The following ERBB4 variants were observed in gnomAD, a reference collection of about 807,000 sequenced individuals.
ERBB4 encodes the protein receptor tyrosine-protein kinase erbB-4.
ERBB4 carries 42 observed loss-of-function variants against 158.0 expected under a neutral mutation model. The observed-to-expected ratio is 0.27, with a 90% CI of 0.21 to 0.34. ERBB4 has a LOEUF of 0.34. Ranked by LOEUF, ERBB4 falls within the 10% of genes least tolerant of loss-of-function variation. ERBB4 has a pLI of 1.00. For synonymous variants in ERBB4, 583 were observed against 558.7 expected (o/e 1.04, Z -0.61); for missense variants, 1,333 against 1,624.1 (o/e 0.82, Z 3.08).
intron 5 of ERBB4, among the ~76,000 whole-genome samples, chr2:211,744,862 T>C (rs1249809914): frequency 6.6e-6 from 1 of 152,210 alleles, no homozygotes; most frequent in Non-Finnish European, 1.5e-5. Flanking sequence ...TAATTATCCA[T>C]AAAAAATAAG....
intron 2 of ERBB4, among the ~76,000 whole-genome samples, chr2:211,973,777 C>G (rs1292004307): frequency 6.6e-6 from 1 of 152,228 alleles, no homozygotes; most frequent in Admixed American, 6.5e-5. Context: ...ATAGCACATG[C>G]ATGTGTATGT....
chr2:211,918,707 T>C (rs934025106), intron 3 of ERBB4, among the ~76,000 whole-genome samples: 2 of 152,138 alleles, frequency 1.3e-5, no homozygotes, highest in African/African-American at 4.8e-5. Context: ...GAAATAGATA[T>C]GTCTGTCGCT....
chr2:211,585,993 C>T (rs1004877867), intron 19 of ERBB4, among the ~76,000 whole-genome samples: 1 of 152,122 alleles, frequency 6.6e-6, no homozygotes, highest in Non-Finnish European at 1.5e-5. Flanking sequence ...TCATAATTTT[C>T]CAAAGTTCAA....
chr2:211,406,480 A>G (rs1349106489), intron 25 of ERBB4, among the ~76,000 whole-genome samples: 1 of 152,194 alleles, frequency 6.6e-6, no homozygotes, highest in Non-Finnish European at 1.5e-5. Context: ...AACATTTATG[A>G]GGAATCTGAT....
intron 6 of ERBB4, among the ~76,000 whole-genome samples, chr2:211,722,913 T>C (rs1226101866): frequency 6.6e-6 from 1 of 152,240 alleles, no homozygotes; most frequent in Non-Finnish European, 1.5e-5. Context: ...CCACTTGAGC[T>C]GGTATTTTAA....
chr2:212,406,250 T>C (rs967480359), intron 1 of ERBB4, among the ~76,000 whole-genome samples: 3 of 152,156 alleles, frequency 2.0e-5, no homozygotes, highest in Non-Finnish European at 4.4e-5. Flanking sequence ...GTTTAAGACA[T>C]GTGTGCCTCC....
chr2:212,473,166 C>T (rs968685467), intron 1 of ERBB4, among the ~76,000 whole-genome samples: 1 of 151,900 alleles, frequency 6.6e-6, no homozygotes, highest in Non-Finnish European at 1.5e-5. Context: ...TAAGCATTAA[C>T]ATTGCTAATT....
chr2:211,681,297 T>C (rs2072322130), intron 12 of ERBB4, among the ~76,000 whole-genome samples: 1 of 152,182 alleles, frequency 6.6e-6, no homozygotes, highest in Non-Finnish European at 1.5e-5. Flanking sequence ...ATGTTAAAAA[T>C]AGTAGTAGTA....
intron 20 of ERBB4, among the ~76,000 whole-genome samples, chr2:211,452,372 T>G (rs969852504): frequency 6.6e-6 from 1 of 152,116 alleles, no homozygotes; most frequent in Non-Finnish European, 1.5e-5. Flanking sequence ...GAGACAGGGT[T>G]TCACCATGTT....
intron 2 of ERBB4, among the ~76,000 whole-genome samples, chr2:212,023,566 T>C (rs1425002414): frequency 6.6e-6 from 1 of 152,048 alleles, no homozygotes; most frequent in Non-Finnish European, 1.5e-5. Context: ...AAAATAATGA[T>C]TGAATCAGTG....
intron 25 of ERBB4, among the ~76,000 whole-genome samples, chr2:211,398,424 T>A (rs772153609): frequency 6.6e-6 from 1 of 152,188 alleles, no homozygotes; most frequent in Non-Finnish European, 1.5e-5. Flanking sequence ...CAGGCACTTA[T>A]GAAAATCTTA....
chr2:212,312,241 G>A (rs184883903), intron 1 of ERBB4, among the ~76,000 whole-genome samples: 1 of 150,934 alleles, frequency 6.6e-6, no homozygotes, highest in South Asian at 2.1e-4. Flanking sequence ...GGTGAAACTG[G>A]GGAATTCCTA....
At chr2:212,257,590 TTAATACCC>T (rs2084786189) in intron 1 of ERBB4, among the ~76,000 whole-genome samples, 5 of 152,240 alleles carry the variant, frequency 3.3e-5, no homozygotes, top group Admixed American at 1.3e-4. Flanking sequence ...TACTAAAATG[TTAATACCC>T]TAAGCAGTAA....
At chr2:212,175,051 A>C (rs576013745) in intron 1 of ERBB4, among the ~76,000 whole-genome samples, 1 of 152,020 alleles carries the variant, frequency 6.6e-6, no homozygotes, top group Middle Eastern at 3.4e-3. Flanking sequence ...AAGAATGCCT[A>C]TTTTCTTTGT....
chr2:211,444,825 C>T (rs1413636860), intron 20 of ERBB4, among the ~76,000 whole-genome samples: 2 of 151,950 alleles, frequency 1.3e-5, no homozygotes, highest in South Asian at 2.1e-4. Context: ...GAGATACATA[C>T]ATGGACACAG....
At chr2:211,770,320 G>T (rs1272898673) in intron 4 of ERBB4, among the ~76,000 whole-genome samples, 1 of 152,056 alleles carries the variant, frequency 6.6e-6, no homozygotes, top group Non-Finnish European at 1.5e-5. Context: ...ATGCAATACA[G>T]AATTTGTTTA....
intron 1 of ERBB4, among the ~76,000 whole-genome samples, chr2:212,237,838 G>A (rs1442876359): frequency 1.3e-5 from 2 of 152,194 alleles, no homozygotes; most frequent in Non-Finnish European, 2.9e-5. Context: ...GCAGAGGACT[G>A]TGCCCAGTTC....
At chr2:211,440,708 T>G (rs1206128021) in intron 20 of ERBB4, among the ~76,000 whole-genome samples, 1 of 152,162 alleles carries the variant, frequency 6.6e-6, no homozygotes, top group Non-Finnish European at 1.5e-5. Flanking sequence ...CCTAAATAAT[T>G]TCAATAACTA....
chr2:211,634,264 A>C (rs1180942563), intron 16 of ERBB4, among the ~76,000 whole-genome samples: 1 of 152,112 alleles, frequency 6.6e-6, no homozygotes, highest in Non-Finnish European at 1.5e-5. Flanking sequence ...TTTTTTTTCA[A>C]TTAAGATTTC....
Sources: gnomAD v4.1 joint callset for allele counts (sites outside exome capture counted in the v4.1 genomes callset) on GRCh38, gnomAD v4.1.1 for gene constraint, MANE v1.5 for transcripts, NCBI Gene and HGNC (gene_info 2026-07-23, HGNC 2026-07-21) for gene names.